The following FCHSD2 variants were observed in gnomAD, a reference collection of about 807,000 sequenced individuals.
FCHSD2 encodes the protein F-BAR and double SH3 domains protein 2.
In FCHSD2, 38 loss-of-function variants were observed where a neutral mutation model predicts 108.1. That is an observed-to-expected ratio of 0.35 (90% CI 0.27 to 0.46). The LOEUF (loss-of-function observed/expected upper bound fraction) is 0.46, where lower values mean the gene tolerates loss of function less well. Among genes scored for constraint, FCHSD2 ranks in the 20% least tolerant of loss-of-function variants. FCHSD2 has a pLI of 1.00. For synonymous variants in FCHSD2, 279 were observed against 314.7 expected, an observed-to-expected ratio of 0.89 and a Z score of 1.20; for missense variants, 751 against 897.8, an observed-to-expected ratio of 0.84 and a Z score of 2.09.
chr11:72,910,384 G>GA (rs1855737936), intron 9 of FCHSD2, among the ~76,000 whole-genome samples: 1 of 152,150 alleles, frequency 6.6e-6, no homozygotes, highest in African/African-American at 2.4e-5. Flanking sequence ...TTGTCGAAAA[G>GA]AAAAGGGGGA....
intron 10 of FCHSD2, among the ~76,000 whole-genome samples, chr11:72,891,059 GGT>G (rs979506087): frequency 2.0e-5 from 3 of 152,116 alleles, no homozygotes; most frequent in Non-Finnish European, 4.4e-5. Context: ...TGGAACTACA[GGT>G]GTGTGTCACC....
intron 8 of FCHSD2, among the ~76,000 whole-genome samples, chr11:72,923,595 T>C (rs1274994908): frequency 6.6e-6 from 1 of 152,156 alleles, no homozygotes; most frequent in Non-Finnish European, 1.5e-5. Flanking sequence ...TATTTGGCCA[T>C]TTGTATATCT....
At chr11:73,016,232 G>C (rs1450741749) in intron 3 of FCHSD2, among the ~76,000 whole-genome samples, 1 of 151,890 alleles carries the variant, frequency 6.6e-6, no homozygotes, top group Non-Finnish European at 1.5e-5. Context: ...GAATCCAGGA[G>C]GCGGAGGCTG....
At chr11:73,084,202 GA>G (rs1463796589) in intron 2 of FCHSD2, among the ~76,000 whole-genome samples, 2 of 152,160 alleles carry the variant, frequency 1.3e-5, no homozygotes, top group African/African-American at 2.4e-5. Context: ...GGGAACTAAT[GA>G]AAACAATGTG....
chr11:73,141,016 G>A (rs1383935172), intron 1 of FCHSD2, among the ~76,000 whole-genome samples: 9 of 152,242 alleles, frequency 5.9e-5, no homozygotes, highest in East Asian at 3.8e-4. Flanking sequence ...GTTTGCCCAC[G>A]AGGGGAGGAC....
intron 14 of FCHSD2, among the ~76,000 whole-genome samples, chr11:72,845,445 AAAAAAAAAAAAAAAAAC>A (rs1861101093): frequency 3.0e-5 from 2 of 65,754 alleles, no homozygotes; most frequent in African/African-American, 9.0e-5. Flanking sequence ...CTCAAAAAAA[AAAAAAAAAAAAAAAAAC>A]AACAACAAAC....
At chr11:73,094,967 A>G in intron 2 of FCHSD2, among the ~76,000 whole-genome samples, 1 of 152,232 alleles carries the variant, frequency 6.6e-6, no homozygotes, top group South Asian at 2.1e-4. Context: ...ATTCTCTAAC[A>G]TCCATTGAAT....
chr11:73,098,048 T>C (rs1860133180), intron 2 of FCHSD2, among the ~76,000 whole-genome samples: 1 of 152,188 alleles, frequency 6.6e-6, no homozygotes, highest in Non-Finnish European at 1.5e-5. Context: ...ATTCTCTTCA[T>C]CATTTTTCTA....
At chr11:72,868,291 T>A (rs1019804542) in intron 12 of FCHSD2, among the ~76,000 whole-genome samples, 1 of 152,050 alleles carries the variant, frequency 6.6e-6, no homozygotes, top group Admixed American at 6.5e-5. Flanking sequence ...AAGTGGGAGC[T>A]GAACAATGAG....
At chr11:73,034,871 T>A (rs1486814400) in intron 3 of FCHSD2, among the ~76,000 whole-genome samples, 1 of 151,948 alleles carries the variant, frequency 6.6e-6, no homozygotes, top group Admixed American at 6.6e-5. Flanking sequence ...TGTCAATCTG[T>A]CTGTCAACAA....
In FCHSD2 at chr11:73,125,400, ATAAAT is replaced by A. The variant is rs548281094; in HGVS notation, c.119+14626_119+14630del. On this transcript the variant is annotated intron_variant, in intron 2 of 19. Transcript: ENST00000409418. ...CAATATTAACTCTAAGTAGACAGTG[ATAAAT>A]TAAGAATGCATGGTGTAGATCGAGT... 8.7e-4 allele frequency among the ~76,000 whole-genome samples: 132 copies of A among 152,326 alleles called. 1 individual carries two copies. The highest frequency in any genetic ancestry group is 3.1e-3 in the African/African-American group (127 of 41,578).
chr11:73,082,150 A>G (rs1289613263), intron 3 of FCHSD2, among the ~76,000 whole-genome samples: 1 of 152,116 alleles, frequency 6.6e-6, no homozygotes, highest in African/African-American at 2.4e-5. Context: ...ATCCTGGCCA[A>G]CAGGGTGAAA....
chr11:73,045,805 T>C (rs1361492811), intron 3 of FCHSD2, among the ~76,000 whole-genome samples: 1 of 151,858 alleles, frequency 6.6e-6, no homozygotes, highest in Non-Finnish European at 1.5e-5. Flanking sequence ...CATTGGGAGA[T>C]ATACCTAATG....
chr11:73,094,692 T>C (rs1461474738), intron 2 of FCHSD2, among the ~76,000 whole-genome samples: 1 of 152,202 alleles, frequency 6.6e-6, no homozygotes, highest in African/African-American at 2.4e-5. Flanking sequence ...ATTTATAGCA[T>C]GGGCAGCAAA....
intron 3 of FCHSD2, among the ~76,000 whole-genome samples, chr11:73,082,357 A>G (rs1242310057): frequency 6.7e-6 from 1 of 149,672 alleles, no homozygotes; most frequent in African/African-American, 2.4e-5. Context: ...AAAAAAAAAA[A>G]AAAAAGAAAA....
chr11:73,093,122 T>C (rs1197110426), intron 2 of FCHSD2, among the ~76,000 whole-genome samples: 1 of 152,176 alleles, frequency 6.6e-6, no homozygotes, highest in Non-Finnish European at 1.5e-5. Flanking sequence ...TCAGGTAGGC[T>C]TTCCTAATTG....
intron 10 of FCHSD2, among the ~76,000 whole-genome samples, chr11:72,890,936 T>C (rs532197272): frequency 6.6e-6 from 1 of 152,302 alleles, no homozygotes; most frequent in African/African-American, 2.4e-5. Context: ...GCTTTTAATA[T>C]AGAAAGCAGC....
At chr11:72,981,855 C>T (rs1346160279) in intron 8 of FCHSD2, among the ~76,000 whole-genome samples, 1 of 152,186 alleles carries the variant, frequency 6.6e-6, no homozygotes, top group Non-Finnish European at 1.5e-5. Context: ...GTGGCAGGCA[C>T]CTGTGGTCCT....
intron 3 of FCHSD2, among the ~76,000 whole-genome samples, chr11:73,034,847 A>G (rs1181144651): frequency 6.6e-6 from 1 of 152,252 alleles, no homozygotes; most frequent in Non-Finnish European, 1.5e-5. Context: ...ACTAAAAGTC[A>G]AAAGAACCAA....
Sources: gnomAD v4.1 joint callset for allele counts (sites outside exome capture counted in the v4.1 genomes callset) on GRCh38, gnomAD v4.1.1 for gene constraint, MANE v1.5 for transcripts, NCBI Gene and HGNC (gene_info 2026-07-23, HGNC 2026-07-21) for gene names.